LGSN: variants seen among roughly 807,000 people sequenced by gnomAD.
LGSN encodes the protein lengsin, lens protein with glutamine synthetase domain, also known as lengsin.
In LGSN, 21 loss-of-function variants were observed where a neutral mutation model predicts 19.5. The ratio of observed to expected loss-of-function variants is 1.07; its 90% confidence interval spans 0.76 to 1.55. The LOEUF (loss-of-function observed/expected upper bound fraction) is 1.55. Ranked by LOEUF, LGSN falls within the 40% of genes most tolerant of loss-of-function variation. The probability of loss-of-function intolerance (pLI) is 0.00; values close to 1 mark genes in which losing one functional copy is unlikely to be tolerated. For synonymous variants in LGSN, 257 were observed against 215.6 expected (o/e 1.19, Z -1.68); for missense variants, 673 against 608.5 (o/e 1.11, Z -1.12).
the LGSN span, among the ~76,000 whole-genome samples, chr6:63,452,869 AG>A: frequency 3.3e-5 from 5 of 151,746 alleles, no homozygotes; most frequent in Non-Finnish European, 7.4e-5. Flanking sequence ...TAGTATGTTA[AG>A]ATTGAAGCTT....
At chr6:63,407,644 A>G in the LGSN span, among the ~76,000 whole-genome samples, 1 of 152,136 alleles carries the variant, frequency 6.6e-6, no homozygotes, top group Non-Finnish European at 1.5e-5. Flanking sequence ...CTCTGTCACC[A>G]CTCCTATTCA....
chr6:63,462,732 C>T, the LGSN span, among the ~76,000 whole-genome samples: 1 of 152,204 alleles, frequency 6.6e-6, no homozygotes, highest in Non-Finnish European at 1.5e-5. Context: ...AGGCCTACCT[C>T]TACAGCGTAC....
chr6:63,353,321 CACAGGAAAACCTG>C, the LGSN span, among the ~76,000 whole-genome samples: 1 of 152,084 alleles, frequency 6.6e-6, no homozygotes, highest in African/African-American at 2.4e-5. Context: ...TCCTGAGACA[CACAGGAAAACCTG>C]ATCCTTAGTA....
At chr6:63,314,800 G>A (rs114994104) in intron 1 of LGSN, among the ~76,000 whole-genome samples, 1 of 152,068 alleles carries the variant, frequency 6.6e-6, no homozygotes, top group Non-Finnish European at 1.5e-5. Context: ...AACTGAGAAA[G>A]AGCCGACTCA....
chr6:63,516,241 C>A, the LGSN span, among the ~76,000 whole-genome samples: 1 of 152,164 alleles, frequency 6.6e-6, no homozygotes, highest in African/African-American at 2.4e-5. Context: ...TTTTTTGAAT[C>A]CACCTATCCA....
At chr6:63,334,370 C>G in the LGSN span, among the ~76,000 whole-genome samples, 1 of 151,900 alleles carries the variant, frequency 6.6e-6, no homozygotes, top group African/African-American at 2.4e-5. Flanking sequence ...TTTACAATAG[C>G]TACAAAAAAA....
the LGSN span, among the ~76,000 whole-genome samples, chr6:63,457,203 A>G: frequency 1.1e-4 from 16 of 152,118 alleles, no homozygotes; most frequent in African/African-American, 3.9e-4. Context: ...ATATATTTCT[A>G]CTTTCTAAAA....
At chr6:63,500,155 A>G in the LGSN span, among the ~76,000 whole-genome samples, 9 of 152,268 alleles carry the variant, frequency 5.9e-5, no homozygotes, top group East Asian at 1.2e-3. Context: ...AATTTTTCTC[A>G]TAAGTGTTAA....
chr6:63,380,887 G>A, the LGSN span, among the ~76,000 whole-genome samples: 1 of 152,052 alleles, frequency 6.6e-6, no homozygotes, highest in Non-Finnish European at 1.5e-5. Context: ...TCAGTTAAGA[G>A]ACAAACAAAC....
the LGSN span, among the ~76,000 whole-genome samples, chr6:63,541,509 C>T: frequency 6.6e-6 from 1 of 152,050 alleles, no homozygotes; most frequent in Non-Finnish European, 1.5e-5. Context: ...GCCAAGATCT[C>T]GCCATTGCAC....
the LGSN span, among the ~76,000 whole-genome samples, chr6:63,337,638 C>A: frequency 6.6e-6 from 1 of 151,508 alleles, no homozygotes; most frequent in Non-Finnish European, 1.5e-5. Flanking sequence ...TACATCTCTA[C>A]ACAAAATACA....
chr6:63,392,531 A>G, the LGSN span: 1 of 152,196 alleles, frequency 6.6e-6, no homozygotes, highest in Non-Finnish European at 1.5e-5. Context: ...GGAGGCGGAA[A>G]CCTACCTACC....
chr6:63,357,160 C>A, the LGSN span, among the ~76,000 whole-genome samples: 1 of 152,056 alleles, frequency 6.6e-6, no homozygotes, highest in African/African-American at 2.4e-5. Flanking sequence ...AGGACATGAA[C>A]TCATCATTTT....
chr6:63,456,346 AATATACATATATATATATATATAT>A, the LGSN span, among the ~76,000 whole-genome samples: 3,914 of 100,474 alleles, frequency 0.039, 420 homozygotes, highest in Non-Finnish European at 0.054. Flanking sequence ...ACTTGGCAGA[AATATACATATATATATATATATAT>A]ATATATATAT....
intron 1 of LGSN, 52 bp downstream of exon 1, chr6:63,319,862 A>C (rs2127399114): frequency 7.6e-7 from 1 of 1,311,946 alleles, no homozygotes; most frequent in East Asian, 2.3e-5. Context: ...TTTTTTAAAA[A>C]GATTTACTGT....
At chr6:63,486,743 G>T in the LGSN span, among the ~76,000 whole-genome samples, 1 of 135,882 alleles carries the variant, frequency 7.4e-6, no homozygotes, top group Middle Eastern at 4.1e-3. Flanking sequence ...GCAGTGCAGT[G>T]GTGTGATTAT....
Position 63,278,874 on chromosome 6 carries a change from T to C in LGSN, c.*1147A>G, listed in dbSNP as rs987126360. The C allele has an allele frequency of 1.3e-5, 2 of 152,226 alleles. No individual in the cohort carries two copies. The highest frequency in any genetic ancestry group is 2.9e-5 in the Non-Finnish European group (2 of 68,032). 9.4% of individuals were successfully genotyped at this position (152,226 alleles called of 1,614,324 possible). On this transcript the variant is annotated 3_prime_UTR_variant, in exon 4 of 4. Coordinates refer to ENST00000370657, the MANE Select transcript of LGSN (RefSeq NM_016571.3). ...TCTGAGCCAAATTCTAATCCTCTGC[T>C]TGTGCAATTGCTATCTAAATTGAGA... is the stretch of plus-strand genomic sequence containing the variant.
chr6:63,284,298 T>TAAAC (rs1767442805), intron 3 of LGSN, among the ~76,000 whole-genome samples: 1 of 151,148 alleles, frequency 6.6e-6, no homozygotes, highest in African/African-American at 2.5e-5. Context: ...ATGATAAACT[T>TAAAC]TTTCTCTAGC....
chr6:63,281,082 T>A lies in LGSN; in HGVS notation c.469A>T (p.Arg157Ter), dbSNP rs1274726021. 1 of 1,613,934 alleles carries A rather than the reference T, an allele frequency of 6.2e-7. No individual in the cohort carries two copies. The highest frequency in any genetic ancestry group is 2.2e-5 in the East Asian group (1 of 44,860). Residue 157 changes from arginine to a stop codon, truncating the protein, a stop_gained, in exon 4 of 4, where the codon AGA (arginine) becomes TGA (stop). Coordinates refer to ENST00000370657, the MANE Select transcript of LGSN (RefSeq NM_016571.3). LOFTEE classifies it low-confidence loss of function (END_TRUNC). Reference protein sequence around the residue: ...IVLMPELSTFRVLPWADRTAR... With the variant: ...IVLMPELSTF Reference sequence around the variant, plus strand: ...GTTCTGTCAGCCCATGGCAAAACTCTAAAGGTTGATAACTCTGGCATTAGG... The same window carrying A: ...GTTCTGTCAGCCCATGGCAAAACTCAAAAGGTTGATAACTCTGGCATTAGG...
Sources: gnomAD v4.1 joint callset for allele counts (sites outside exome capture counted in the v4.1 genomes callset) on GRCh38, gnomAD v4.1.1 for gene constraint, MANE v1.5 for transcripts, NCBI Gene and HGNC (gene_info 2026-07-23, HGNC 2026-07-21) for gene names.